Variants in ATM observed in about 807,000 individuals in gnomAD.
ATM encodes the protein serine-protein kinase ATM.
In ATM, 308 loss-of-function variants were observed where a neutral mutation model predicts 387.0. The observed-to-expected ratio is 0.80, with a 90% CI of 0.73 to 0.87. The LOEUF (loss-of-function observed/expected upper bound fraction) is 0.87. ATM is among the 40% of genes least tolerant of loss of function. The pLI is 0.00. For synonymous variants in ATM, 1,156 were observed against 1,187.3 expected (o/e 0.97, Z 0.54); for missense variants, 3,312 against 3,560.9 (o/e 0.93, Z 1.78).
At chr11:108,234,882 T>C (rs1181050112) in intron 4 of ATM, among the ~76,000 whole-genome samples, 1 of 151,682 alleles carries the variant, frequency 6.6e-6, no homozygotes, top group Non-Finnish European at 1.5e-5. Context: ...ATGCCATAAA[T>C]GCTATTATAG....
intron 49 of ATM, among the ~76,000 whole-genome samples, chr11:108,329,612 T>A (rs2086051568): frequency 6.6e-6 from 1 of 152,158 alleles, no homozygotes; most frequent in South Asian, 2.1e-4. Context: ...GGTTTTGCCA[T>A]GTTGCCCAGG....
intron 57 of ATM, 84 bp downstream of exon 57, chr11:108,343,455 C>G: frequency 6.6e-7 from 1 of 1,520,538 alleles, no homozygotes; most frequent in Non-Finnish European, 9.0e-7. Context: ...TTATAGAATA[C>G]AAAAAAACTT....
At chr11:108,350,492 C>G (rs1277526647) in intron 59 of ATM, among the ~76,000 whole-genome samples, 1 of 152,080 alleles carries the variant, frequency 6.6e-6, no homozygotes, top group African/African-American at 2.4e-5. Context: ...GGAGTACAAC[C>G]CATATGAGTG....
At chr11:108,270,336 T>G (rs1279170465) in intron 18 of ATM, among the ~76,000 whole-genome samples, 4 of 152,330 alleles carry the variant, frequency 2.6e-5, no homozygotes, top group African/African-American at 9.6e-5. Flanking sequence ...CCCCAAGCAT[T>G]ATTTTGGGAG....
Position 108,322,821 on chromosome 11 carries a change from G to GA in ATM, c.6572+1401_6572+1402insA, listed in dbSNP as rs1446166835. 2.2e-4 allele frequency among the ~76,000 whole-genome samples: 33 copies of GA among 151,694 alleles called. No homozygotes were observed. In the East Asian group the frequency reaches 6.0e-3, roughly 28 times the overall value. On this transcript the variant is annotated intron_variant, in intron 45 of 62. Transcript: ENST00000675843. ...GTTTCCTCATGTTTTTGCACAGCAT[G>GA]TTACACTCCATTCGGTTTTAGCACT...
chr11:108,261,666 C>T (rs559827490), intron 16 of ATM, among the ~76,000 whole-genome samples: 39 of 152,100 alleles, frequency 2.6e-4, no homozygotes, highest in African/African-American at 8.2e-4. Flanking sequence ...AAGAAGGCTT[C>T]AGACGATCAA....
chr11:108,225,831 G>A (rs1356240746), intron 1 of ATM: 1 of 152,126 alleles, frequency 6.6e-6, no homozygotes, highest in Non-Finnish European at 1.5e-5. Context: ...TTTTGTAAGA[G>A]ACATTCCTTC....
At chr11:108,326,370 A>G in intron 47 of ATM, 145 bp downstream of exon 47, 1 of 1,184,842 alleles carries the variant, frequency 8.4e-7, no homozygotes, top group South Asian at 1.5e-5. Flanking sequence ...AGTCTTGAAA[A>G]TTAATTTGTA....
chr11:108,254,091 A>C (rs759484900), intron 13 of ATM, 52 bp downstream of exon 13: 1 of 1,557,942 alleles, frequency 6.4e-7, no homozygotes, highest in Non-Finnish European at 8.8e-7. Context: ...AACTTTGGTA[A>C]ACTGTTAGGA....
chr11:108,289,859 T>G, intron 29 of ATM, 58 bp downstream of exon 29: 1 of 1,539,822 alleles, frequency 6.5e-7, no homozygotes, highest in Non-Finnish European at 8.9e-7. Context: ...TCTTCCTGTT[T>G]TTTTGCTTTG....
chr11:108,359,765 C>T (rs1183661896), intron 61 of ATM, among the ~76,000 whole-genome samples: 1 of 151,946 alleles, frequency 6.6e-6, no homozygotes, highest in South Asian at 2.1e-4. Context: ...AAAGACACAA[C>T]GTACCAGAAT....
chr11:108,257,982 G>A (rs552985000), intron 15 of ATM, among the ~76,000 whole-genome samples: 8 of 152,032 alleles, frequency 5.3e-5, no homozygotes, highest in Admixed American at 3.3e-4. Flanking sequence ...CAGCAGCCTC[G>A]ACCTCCTGGG....
At chr11:108,303,752 G>A (rs780027948) in intron 36 of ATM, among the ~76,000 whole-genome samples, 6 of 152,114 alleles carry the variant, frequency 3.9e-5, no homozygotes, top group Non-Finnish European at 7.4e-5. Flanking sequence ...ATACTACACC[G>A]CACTCATACC....
chr11:108,235,602 G>T, intron 4 of ATM, 68 bp from the exon 5 acceptor site: 3 of 1,343,982 alleles, frequency 2.2e-6, no homozygotes, highest in Admixed American at 2.0e-5. Flanking sequence ...TATTTAAATA[G>T]TTGCCATTCC....
intron 5 of ATM, among the ~76,000 whole-genome samples, chr11:108,240,482 G>A (rs903922821): frequency 6.6e-6 from 1 of 152,154 alleles, no homozygotes; most frequent in East Asian, 1.9e-4. Flanking sequence ...GTCATAGGGT[G>A]TATTTATACA....
chr11:108,273,029 T>C (rs1295675181), intron 22 of ATM, among the ~76,000 whole-genome samples, 177 bp downstream of exon 22: 1 of 152,198 alleles, frequency 6.6e-6, no homozygotes, highest in East Asian at 1.9e-4. Flanking sequence ...TTAGATTCTA[T>C]TATTTCCTTC....
chr11:108,324,376 ATAG>A (rs757978090), intron 45 of ATM, among the ~76,000 whole-genome samples: 9 of 152,120 alleles, frequency 5.9e-5, no homozygotes, highest in South Asian at 4.1e-4. Flanking sequence ...TTTATGATAT[ATAG>A]TAGATTTATT....
chr11:108,280,254 T>G (rs1038953045), intron 23 of ATM, among the ~76,000 whole-genome samples: 1 of 152,110 alleles, frequency 6.6e-6, no homozygotes, highest in African/African-American at 2.4e-5. Context: ...ATAATGTATA[T>G]TATACATTTT....
intron 5 of ATM, among the ~76,000 whole-genome samples, chr11:108,239,961 A>G (rs181725646): frequency 5.2e-4 from 79 of 152,270 alleles, no homozygotes; most frequent in Non-Finnish European, 9.0e-4. Flanking sequence ...ATTTTTTTAA[A>G]TTGACTTTTA....
Sources: gnomAD v4.1 joint callset for allele counts (sites outside exome capture counted in the v4.1 genomes callset) on GRCh38, gnomAD v4.1.1 for gene constraint, MANE v1.5 for transcripts, NCBI Gene and HGNC (gene_info 2026-07-23, HGNC 2026-07-21) for gene names.